Variants in ERMP1 observed in about 807,000 individuals in gnomAD.
ERMP1 encodes the protein endoplasmic reticulum metallopeptidase 1.
ERMP1 carries 86 observed loss-of-function variants against 92.0 expected under a neutral mutation model. The ratio of observed to expected loss-of-function variants is 0.93; its 90% CI spans 0.79 to 1.12. The LOEUF (loss-of-function observed/expected upper bound fraction) is 1.12, where lower values mean the gene tolerates loss of function less well. Ranked by LOEUF, ERMP1 falls within the 50% of genes most tolerant of loss-of-function variation. The pLI is 0.00. For synonymous variants in ERMP1, 530 were observed against 412.8 expected (o/e 1.28, Z -3.44); for missense variants, 1,342 against 1,116.3 (o/e 1.20, Z -2.88).
upstream of ERMP1, among the ~76,000 whole-genome samples, chr9:5,835,426 T>G (rs1830081934): frequency 6.6e-6 from 1 of 152,164 alleles, no homozygotes; most frequent in Non-Finnish European, 1.5e-5. Context: ...GCAGGGAAAT[T>G]GAGACTGACA....
chr9:5,865,649 AGGTCTCTACTAAAACCT>A (rs1830634786), intron 5 of ERMP1, among the ~76,000 whole-genome samples: 1 of 151,540 alleles, frequency 6.6e-6, no homozygotes, highest in Non-Finnish European at 1.5e-5. Context: ...CCTGGCCAAC[AGGTCTCTACTAAAACCT>A]GGTCTCTACT....
intron 6 of ERMP1, among the ~76,000 whole-genome samples, chr9:5,846,897 G>A (rs1344980061): frequency 1.3e-5 from 2 of 152,140 alleles, no homozygotes; most frequent in Non-Finnish European, 2.9e-5. Context: ...GGAACTGGAC[G>A]CCCTTTAATT....
intron 13 of ERMP1, among the ~76,000 whole-genome samples, chr9:5,788,907 A>G (rs1828053685): frequency 6.6e-6 from 1 of 152,238 alleles, no homozygotes; most frequent in African/African-American, 2.4e-5. Context: ...AGACAATTAC[A>G]AGATGCCCAA....
In ERMP1 at chr9:5,832,858, C is replaced by G. The variant is rs1423611246; in HGVS notation, c.170G>C (p.Ser57Thr). The change falls in exon 1 of 15, where the codon AGC (serine) becomes ACC (threonine). Residue 57 changes from serine to threonine, a missense_variant. Ser to Thr is a moderately conservative substitution (Grantham distance 58). Coordinates refer to ENST00000339450, the MANE Select transcript of ERMP1 (RefSeq NM_024896.3). ...CCCCGCGCCCCTGCTCGCGCCGCCG[C>G]TACCCCCGGGGCTCCTCTTCCGCGT... ...GRTRKRSPGG[S>T]GGASRGAGTG... 9 of 1,513,802 alleles carry G rather than the reference C, an allele frequency of 5.9e-6. No individual in the cohort carries two copies. Among genetic ancestry groups the G allele is most frequent in the Admixed American group, 4.0e-5 (2 of 49,506 alleles). 93.8% of individuals were successfully genotyped at this position (1,513,802 alleles called of 1,614,324 possible).
chr9:5,797,386 A>G (rs1451634004), intron 13 of ERMP1, among the ~76,000 whole-genome samples: 1 of 152,040 alleles, frequency 6.6e-6, no homozygotes, highest in Non-Finnish European at 1.5e-5. Flanking sequence ...GTGGTGGCTC[A>G]TACCTGTAAT....
chr9:5,856,296 A>G (rs1004201291), intron 6 of ERMP1: 2 of 255,538 alleles, frequency 7.8e-6, no homozygotes, highest in Non-Finnish European at 1.6e-5. Flanking sequence ...TTGTTTTGCC[A>G]TGTCAGTAAC....
At chr9:5,855,063 T>C (rs199977492) in intron 6 of ERMP1, among the ~76,000 whole-genome samples, 1 of 152,150 alleles carries the variant, frequency 6.6e-6, no homozygotes, top group East Asian at 1.9e-4. Flanking sequence ...TTCAAAGCAA[T>C]CTTCTTGTTC....
intron 6 of ERMP1, chr9:5,856,275 T>A: frequency 3.7e-6 from 1 of 273,640 alleles, no homozygotes; most frequent in South Asian, 4.2e-5. Flanking sequence ...CGAAAGACTG[T>A]TCTCTGTTTA....
chr9:5,797,421 A>C (rs1023546802), intron 13 of ERMP1, among the ~76,000 whole-genome samples: 4 of 151,968 alleles, frequency 2.6e-5, no homozygotes, highest in Admixed American at 6.6e-5. Flanking sequence ...AGGCCGAGGC[A>C]GGCAGACCAT....
chr9:5,851,454 G>T (rs10733516), intron 6 of ERMP1, among the ~76,000 whole-genome samples: 90,004 of 151,978 alleles, frequency 0.59, 27,264 homozygotes, highest in South Asian at 0.75. Flanking sequence ...AAAAAGAAAA[G>T]AGCATGCAAG....
intron 4 of ERMP1, among the ~76,000 whole-genome samples, chr9:5,814,646 C>A (rs1829234466): frequency 6.6e-6 from 1 of 152,134 alleles, no homozygotes; most frequent in South Asian, 2.1e-4. Context: ...AGGAGAATTG[C>A]TTAGACCTGT....
chr9:5,799,535 A>G (rs1828585870), intron 11 of ERMP1, among the ~76,000 whole-genome samples: 3 of 152,196 alleles, frequency 2.0e-5, no homozygotes, highest in African/African-American at 7.2e-5. Context: ...AAACAAACAA[A>G]AAAAAACACT....
intron 13 of ERMP1, among the ~76,000 whole-genome samples, chr9:5,793,770 C>G (rs1465638512): frequency 1.3e-5 from 2 of 151,994 alleles, no homozygotes; most frequent in Non-Finnish European, 2.9e-5. Context: ...TTGTATGTAG[C>G]TAACAATAAA....
intron 2 of ERMP1, 69 bp downstream of exon 2, chr9:5,830,658 G>C: frequency 1.5e-6 from 2 of 1,304,166 alleles, no homozygotes; most frequent in East Asian, 2.3e-5. Flanking sequence ...TGCCCAAGTA[G>C]CTTGGGGTTA....
chr9:5,849,302 T>C (rs1448463997), intron 6 of ERMP1, among the ~76,000 whole-genome samples: 1 of 152,362 alleles, frequency 6.6e-6, no homozygotes, highest in East Asian at 1.9e-4. Flanking sequence ...ATTACAGGCA[T>C]GAGCCACTGC....
chr9:5,863,462 A>C (rs918739356), intron 5 of ERMP1, among the ~76,000 whole-genome samples: 12 of 152,186 alleles, frequency 7.9e-5, no homozygotes, highest in African/African-American at 2.9e-4. Flanking sequence ...TGAAAATGAT[A>C]AGAACCAGAG....
chr9:5,849,047 G>A (rs552936639), intron 6 of ERMP1, among the ~76,000 whole-genome samples: 1 of 151,990 alleles, frequency 6.6e-6, no homozygotes, highest in East Asian at 1.9e-4. Context: ...TATTTTAGAT[G>A]GAGTCTTGCT....
chr9:5,842,173 G>A (rs1460222189), intron 6 of ERMP1, among the ~76,000 whole-genome samples: 1 of 152,172 alleles, frequency 6.6e-6, no homozygotes, highest in African/African-American at 2.4e-5. Flanking sequence ...TGGCTGGGGT[G>A]GCCAGCTTTT....
intron 6 of ERMP1, among the ~76,000 whole-genome samples, chr9:5,848,421 G>A (rs1830265318): frequency 6.6e-6 from 1 of 152,182 alleles, no homozygotes; most frequent in East Asian, 1.9e-4. Context: ...AGCCATTTCA[G>A]ACTTCCAAAC....
Sources: allele counts gnomAD v4.1 joint callset (sites outside exome capture counted in the v4.1 genomes callset), GRCh38; gene constraint gnomAD v4.1.1; transcripts MANE v1.5; gene names NCBI Gene and HGNC (gene_info 2026-07-23, HGNC 2026-07-21).